The following SHISA6 variants were observed in gnomAD, a reference collection of about 807,000 sequenced individuals.
SHISA6 encodes protein shisa-6.
In SHISA6, 22 loss-of-function variants were observed where a neutral mutation model predicts 47.9. The ratio of observed to expected loss-of-function variants is 0.46; its 90% CI spans 0.33 to 0.66. The LOEUF (loss-of-function observed/expected upper bound fraction) is 0.66. Ranked by LOEUF, SHISA6 falls within the 30% of genes least tolerant of loss-of-function variation. SHISA6 has a pLI of 0.02. For synonymous variants in SHISA6, 388 were observed against 337.8 expected (o/e 1.15, Z -1.63); for missense variants, 680 against 764.6 (o/e 0.89, Z 1.30).
rs922564709 is a variant in SHISA6 at position 11,511,450 on chromosome 17, A to G, written c.896-40446A>G. ...ACATGTATCCCAGAACTTAAAGTAA[A>G]TTTTTAAAAAATAAATAAACTGAAT... On this transcript the variant is annotated intron_variant, in intron 3 of 5. Transcript: ENST00000441885. Among the ~76,000 whole-genome samples the G allele has an allele frequency of 7.2e-5, 11 of 152,204 alleles. No homozygotes were observed. The South Asian group carries it at 1.7e-3, about 23-fold the overall frequency.
chr17:11,528,011 T>C (rs1282517212), intron 3 of SHISA6, among the ~76,000 whole-genome samples: 1 of 152,188 alleles, frequency 6.6e-6, no homozygotes, highest in Non-Finnish European at 1.5e-5. Context: ...CATTGGTATA[T>C]TAATTGTGTT....
At chr17:11,408,192 A>G (rs985661747) in intron 3 of SHISA6, among the ~76,000 whole-genome samples, 28 of 152,192 alleles carry the variant, frequency 1.8e-4, no homozygotes, top group African/African-American at 6.8e-4. Context: ...AATAGTTTCT[A>G]TGTTCTCACT....
chr17:11,243,390 CCTCAAACT>C (rs1907449755), intron 1 of SHISA6, among the ~76,000 whole-genome samples: 1 of 151,634 alleles, frequency 6.6e-6, no homozygotes, highest in East Asian at 2.0e-4. Flanking sequence ...AGGGTGGGTA[CCTCAAACT>C]CGCGTGCTGG....
chr17:11,288,006 A>C (rs143822532), intron 2 of SHISA6, among the ~76,000 whole-genome samples: 36 of 152,244 alleles, frequency 2.4e-4, no homozygotes, highest in African/African-American at 8.7e-4. Context: ...AATCCTACTC[A>C]TCTATAGCCC....
intron 2 of SHISA6, among the ~76,000 whole-genome samples, chr17:11,297,662 T>C (rs4792122): frequency 0.25 from 38,500 of 152,144 alleles, 5,847 homozygotes; most frequent in Non-Finnish European, 0.35. Flanking sequence ...ATACAGCCTT[T>C]GTTCTTAGTA....
chr17:11,397,138 T>G (rs1048552731), intron 3 of SHISA6, among the ~76,000 whole-genome samples: 4 of 152,224 alleles, frequency 2.6e-5, no homozygotes, highest in Non-Finnish European at 4.4e-5. Flanking sequence ...GATTTTCATA[T>G]GTTTTTTTCC....
intron 2 of SHISA6, among the ~76,000 whole-genome samples, chr17:11,305,842 T>G (rs575389153): frequency 1.4e-4 from 22 of 152,214 alleles, no homozygotes; most frequent in African/African-American, 5.3e-4. Context: ...CTAGGGAGGC[T>G]GGGAGATGGG....
chr17:11,548,145 C>T (rs956623489), intron 3 of SHISA6, among the ~76,000 whole-genome samples: 1 of 152,174 alleles, frequency 6.6e-6, no homozygotes, highest in African/African-American at 2.4e-5. Context: ...TTCCTTATCT[C>T]TAAACTGGCA....
intron 3 of SHISA6, among the ~76,000 whole-genome samples, chr17:11,442,719 C>T (rs1209233652): frequency 6.6e-6 from 1 of 152,126 alleles, no homozygotes; most frequent in Non-Finnish European, 1.5e-5. Flanking sequence ...ACAGGATGCT[C>T]CTATAGATAA....
chr17:11,546,112 C>T, intron 3 of SHISA6, among the ~76,000 whole-genome samples: 1 of 152,150 alleles, frequency 6.6e-6, no homozygotes, highest in Non-Finnish European at 1.5e-5. Flanking sequence ...TACAATATGC[C>T]CCGGTCTCTA....
chr17:11,449,928 A>G (rs977998433), intron 3 of SHISA6, among the ~76,000 whole-genome samples: 1 of 152,214 alleles, frequency 6.6e-6, no homozygotes, highest in South Asian at 2.1e-4. Context: ...TCTGTCGCCC[A>G]GGCTGGAGTG....
chr17:11,503,354 C>A (rs919001219), intron 3 of SHISA6, among the ~76,000 whole-genome samples: 1 of 149,140 alleles, frequency 6.7e-6, no homozygotes, highest in Non-Finnish European at 1.5e-5. Flanking sequence ...GGCTCCCCTT[C>A]GGTCATTTGC....
intron 3 of SHISA6, among the ~76,000 whole-genome samples, chr17:11,411,344 T>C (rs956678539): frequency 2.0e-5 from 3 of 152,140 alleles, no homozygotes; most frequent in Non-Finnish European, 4.4e-5. Flanking sequence ...ATTTTAGAAA[T>C]GTAGGCTGGC....
intron 2 of SHISA6, among the ~76,000 whole-genome samples, chr17:11,325,702 A>C (rs71361417): frequency 0.14 from 20,522 of 151,980 alleles, 1,517 homozygotes; most frequent in Middle Eastern, 0.22. Context: ...TGTTTAAAAA[A>C]AAAAAAAAAG....
chr17:11,242,825 G>C lies in SHISA6; in HGVS notation c.638+765G>C, dbSNP rs1907422551. 2.0e-5 allele frequency among the ~76,000 whole-genome samples: 3 copies of C among 152,184 alleles called. 1 individual carries two copies. The South Asian group carries it at 6.2e-4, about 32-fold the overall frequency. On this transcript the variant is annotated intron_variant, in intron 1 of 5. Coordinates refer to ENST00000441885, the MANE Select transcript of SHISA6 (RefSeq NM_207386.4). ...TACGCCAAGAGCTCAAACTATGGCA[G>C]TCCCTGGTTGCACGCTGAATGCTGC...
intron 3 of SHISA6, among the ~76,000 whole-genome samples, chr17:11,464,072 A>G (rs1161931519): frequency 6.6e-6 from 1 of 152,002 alleles, no homozygotes; most frequent in Non-Finnish European, 1.5e-5. Flanking sequence ...GTGTGCCACT[A>G]TGCCTGGCTA....
At position 11,275,510 on chromosome 17, in the gene SHISA6, C is replaced by T. The variant is rs143168460; in HGVS notation, c.799+11984C>T. On this transcript the variant is annotated intron_variant, in intron 2 of 5. Coordinates refer to ENST00000441885, the MANE Select transcript of SHISA6 (RefSeq NM_207386.4). ...GCAATACAGTGAACAAAACAAAGTC[C>T]CTAGTCTCATGGTGTTTACATTCAG... Among the ~76,000 whole-genome samples, 571 of 152,254 alleles carry T rather than the reference C, an allele frequency of 3.8e-3. 4 individuals are homozygous for T. Among genetic ancestry groups the T allele is most frequent in the African/African-American group, 0.013 (540 of 41,550 alleles).
chr17:11,431,374 C>T (rs1253564387), intron 3 of SHISA6, among the ~76,000 whole-genome samples: 1 of 152,194 alleles, frequency 6.6e-6, no homozygotes, highest in Non-Finnish European at 1.5e-5. Context: ...CTTACCCACA[C>T]CCACCACCAC....
At chr17:11,479,083 T>C (rs1050442043) in intron 3 of SHISA6, among the ~76,000 whole-genome samples, 1 of 152,228 alleles carries the variant, frequency 6.6e-6, no homozygotes, top group Middle Eastern at 3.4e-3. Flanking sequence ...AAAAACCTTT[T>C]TTTTAATGGT....
Sources: gnomAD v4.1 joint callset for allele counts (sites outside exome capture counted in the v4.1 genomes callset) on GRCh38, gnomAD v4.1.1 for gene constraint, MANE v1.5 for transcripts, NCBI Gene and HGNC (gene_info 2026-07-23, HGNC 2026-07-21) for gene names.